Variants in CA9 observed in about 807,000 individuals in gnomAD.
CA9 encodes CA-IX.
CA9 carries 43 observed loss-of-function variants against 51.8 expected under a neutral mutation model. The ratio of observed to expected loss-of-function variants is 0.83; its 90% confidence interval spans 0.65 to 1.07. The LOEUF (loss-of-function observed/expected upper bound fraction) is 1.07, where lower values mean the gene tolerates loss of function less well. Ranked by LOEUF, CA9 falls within the 50% of genes least tolerant of loss-of-function variation. The probability of loss-of-function intolerance (pLI) is 0.00; values close to 1 mark genes in which losing one functional copy is unlikely to be tolerated. For missense variants in CA9, 574 were observed against 581.4 expected, an observed-to-expected ratio of 0.99 and a Z score of 0.13; for synonymous variants, 253 against 244.2, an observed-to-expected ratio of 1.04 and a Z score of -0.34.
chr9:35,678,446 GAGCT>G (rs1824467416), intron 6 of CA9, among the ~76,000 whole-genome samples: 1 of 151,626 alleles, frequency 6.6e-6, no homozygotes, highest in African/African-American at 2.4e-5. Context: ...CAAGTCTGGA[GAGCT>G]AAACTTTTTC....
chr9:35,680,372 CT>C (rs3833699), intron 9 of CA9, among the ~76,000 whole-genome samples: 15 of 151,238 alleles, frequency 9.9e-5, no homozygotes, highest in Non-Finnish European at 8.8e-5. Context: ...AATCCCCCCC[CT>C]TTTTTTAAAG....
chr9:35,674,222 A>C lies in CA9; in HGVS notation c.263A>C (p.Asp88Ala). The C allele has an allele frequency of 6.2e-7, 1 of 1,612,860 alleles. No homozygotes were observed. The highest frequency in any genetic ancestry group is 8.5e-7 in the Non-Finnish European group (1 of 1,179,898). Residue 88 changes from aspartate to alanine, a missense_variant, in exon 1 of 11, where the codon GAT becomes GCT. Coordinates refer to ENST00000378357, the MANE Select transcript of CA9 (RefSeq NM_001216.3). ...GAGGAGGATCTACCTGGAGAGGAGG[A>C]TCTACCTGGAGAGGAGGATCTACCT... The part of the protein sequence containing the change: ...PGEEDLPGEE[D>A]LPGEEDLPEV...
Position 35,674,238 on chromosome 9 carries a change from G to A in CA9, c.279G>A (p.Glu93=). The change falls in exon 1 of 11, where the codon GAG becomes GAA. Residue 93 remains glutamate, a synonymous_variant. Transcript: ENST00000378357. ...GAGAGGAGGATCTACCTGGAGAGGA[G>A]GATCTACCTGAAGTTAAGCCTAAAT... ...LPGEEDLPGE[E]DLPEVKPKSE... is the part of the protein sequence containing the mutation. 1.9e-6 allele frequency: 3 copies of A among 1,614,154 alleles called. No homozygotes were observed. Among genetic ancestry groups the A allele is most frequent in the Non-Finnish European group, 2.5e-6 (3 of 1,180,000 alleles).
At chr9:35,678,887 G>A (rs1467726390) in intron 6 of CA9, among the ~76,000 whole-genome samples, 1 of 152,034 alleles carries the variant, frequency 6.6e-6, no homozygotes, top group Non-Finnish European at 1.5e-5. Flanking sequence ...ACAGAGTTAA[G>A]AGTGTAGACT....
At chr9:35,675,696 C>CT in intron 2 of CA9, 65 bp from the exon 3 acceptor site, 1 of 966,044 alleles carries the variant, frequency 1.0e-6, no homozygotes, top group South Asian at 1.3e-5. Context: ...CTCACCTTTT[C>CT]TACCCGGGTT....
Position 35,679,918 on chromosome 9 carries a change from C to A in CA9, c.1130C>A (p.Ala377Glu). ...GDSRLQLNFR[A>E]TQPLNGRVIE... is the part of the protein sequence containing the mutation. ...TCTCGGCTACAGCTGAACTTCCGAG[C>A]GACGCAGCCTTTGAATGGGCGAGTG... Residue 377 changes from alanine to glutamate, a missense_variant, in exon 8 of 11, where the codon GCG becomes GAG. By Grantham distance (107) the Ala-to-Glu change is moderately radical. Coordinates refer to ENST00000378357, the MANE Select transcript of CA9 (RefSeq NM_001216.3). The A allele has an allele frequency of 6.2e-7, 1 of 1,613,766 alleles. No homozygotes were observed. The highest frequency in any genetic ancestry group is 8.5e-7 in the Non-Finnish European group (1 of 1,179,890).
chr9:35,675,018 T>A (rs1465620295), intron 1 of CA9: 1 of 153,610 alleles, frequency 6.5e-6, no homozygotes, highest in African/African-American at 2.4e-5. Flanking sequence ...GAGACAAACT[T>A]TCACTTTTGT....
chr9:35,679,414 GAAGA>G, intron 7 of CA9, 72 bp downstream of exon 7: 1 of 1,534,236 alleles, frequency 6.5e-7, no homozygotes, highest in Non-Finnish European at 8.8e-7. Flanking sequence ...AGAAACAGGA[GAAGA>G]AAGAAATCAA....
intron 1 of CA9, 90 bp downstream of exon 1, chr9:35,674,452 G>A: frequency 3.1e-6 from 4 of 1,284,752 alleles, no homozygotes; most frequent in Non-Finnish European, 4.3e-6. Context: ...ACTCAGGGAA[G>A]GAGGGGAGAC....
intron 6 of CA9, among the ~76,000 whole-genome samples, chr9:35,678,852 G>A (rs1824476879): frequency 6.6e-6 from 1 of 151,930 alleles, no homozygotes; most frequent in Admixed American, 6.6e-5. Context: ...GCTTAAACTT[G>A]TGGCCCAGCA....
chr9:35,679,207 A>G lies in CA9; in HGVS notation c.930A>G (p.Gly310=), dbSNP rs1240597281. ...AEEGSETQVP[G]LDISALLPSD... ...CAGGCTCAGAGACTCAGGTCCCAGGACTGGACATATCTGCACTCCTGCCCT... is the reference window on the plus strand; with the variant it reads ...CAGGCTCAGAGACTCAGGTCCCAGGGCTGGACATATCTGCACTCCTGCCCT... The change falls in exon 7 of 11, where the codon GGA becomes GGG. Residue 310 remains glycine, a synonymous_variant. Transcript: ENST00000378357. The G allele has an allele frequency of 6.2e-7, 1 of 1,614,140 alleles. No individual in the cohort carries two copies. The highest frequency in any genetic ancestry group is 8.5e-7 in the Non-Finnish European group (1 of 1,180,008).
At chr9:35,680,723 C>T in intron 9 of CA9, 30 bp from the exon 10 acceptor site, 2 of 1,600,342 alleles carry the variant, frequency 1.2e-6, no homozygotes, top group Non-Finnish European at 1.7e-6. Context: ...TCTTCCTTCC[C>T]AAAGCAGCCC....
chr9:35,677,214 T>C (rs1397564648), intron 5 of CA9, among the ~76,000 whole-genome samples: 2 of 152,142 alleles, frequency 1.3e-5, no homozygotes, highest in Non-Finnish European at 2.9e-5. Flanking sequence ...GCCTCCATCA[T>C]AGCATGTCAA....
intron 5 of CA9, among the ~76,000 whole-genome samples, chr9:35,676,885 C>G (rs1158816099): frequency 6.6e-6 from 1 of 152,156 alleles, no homozygotes; most frequent in African/African-American, 2.4e-5. Context: ...TTGACAGTCT[C>G]TCTGTCGCCC....
chr9:35,676,416 C>A, intron 5 of CA9, 27 bp downstream of exon 5: 2 of 1,558,582 alleles, frequency 1.3e-6, no homozygotes, highest in Non-Finnish European at 1.8e-6. Context: ...ACCCCCTACT[C>A]CCCGCTTTCC....
chr9:35,674,516 A>T, intron 1 of CA9, 154 bp downstream of exon 1: 16 of 596,726 alleles, frequency 2.7e-5, no homozygotes, highest in Admixed American at 3.3e-5. Context: ...CCCCATCCCC[A>T]CTCTCGGAGG....
chr9:35,679,141 G>C (rs558358706), intron 6 of CA9, 44 bp from the exon 7 acceptor site: 16 of 1,609,100 alleles, frequency 9.9e-6, no homozygotes, highest in Middle Eastern at 1.7e-4. Flanking sequence ...AAGCTTTAAG[G>C]GGGTGCAATG....
In CA9 at chr9:35,681,094, C is replaced by A; in HGVS notation, c.*69C>A. The A allele has an allele frequency of 7.8e-7, 1 of 1,281,314 alleles. No homozygotes were observed. The highest frequency in any genetic ancestry group is 1.1e-6 in the Non-Finnish European group (1 of 923,478). 79.4% of individuals were successfully genotyped at this position (1,281,314 alleles called of 1,614,324 possible). The stretch of plus-strand genomic sequence containing the variant: ...GAGGGGGAGCCGGTAACTGTCCTGT[C>A]CTGCTCATTATGCCACTTCCTTTTA... On this transcript the variant is annotated 3_prime_UTR_variant, in exon 11 of 11. Transcript: ENST00000378357.
At chr9:35,679,035 T>TA (rs1824479181) in intron 6 of CA9, 150 bp from the exon 7 acceptor site, 3 of 741,040 alleles carry the variant, frequency 4.0e-6, no homozygotes, top group South Asian at 1.9e-5. Flanking sequence ...TTTTTTGAGT[T>TA]ACGTCTTATG....
Sources: allele counts gnomAD v4.1 joint callset (sites outside exome capture counted in the v4.1 genomes callset), GRCh38; gene constraint gnomAD v4.1.1; transcripts MANE v1.5; gene names NCBI Gene and HGNC (gene_info 2026-07-23, HGNC 2026-07-21).